The following R3HCC1L variants were observed in gnomAD, a reference collection of about 807,000 sequenced individuals.
R3HCC1L encodes coiled-coil domain-containing protein R3HCC1L.
A neutral mutation model predicts 59.9 loss-of-function variants in R3HCC1L; 51 were observed. That is an observed-to-expected ratio of 0.85 (90% CI 0.68 to 1.07). R3HCC1L has a LOEUF of 1.07. Among genes scored for constraint, R3HCC1L ranks in the 50% least tolerant of loss-of-function variants. The probability of loss-of-function intolerance (pLI) is 0.00; values close to 1 mark genes in which losing one functional copy is unlikely to be tolerated. For synonymous variants in R3HCC1L, 322 were observed against 315.2 expected, an observed-to-expected ratio of 1.02 and a Z score of -0.23; for missense variants, 965 against 933.0, an observed-to-expected ratio of 1.03 and a Z score of -0.45.
intron 5 of R3HCC1L, among the ~76,000 whole-genome samples, chr10:98,226,304 C>A (rs1590798673): frequency 6.6e-6 from 1 of 152,184 alleles, no homozygotes; most frequent in South Asian, 2.1e-4. Context: ...ATGAAGAAAA[C>A]AATTTTACAA....
chr10:98,173,006 G>T (rs1848664782), intron 4 of R3HCC1L, among the ~76,000 whole-genome samples: 1 of 152,124 alleles, frequency 6.6e-6, no homozygotes, highest in African/African-American at 2.4e-5. Flanking sequence ...GTAATTTACT[G>T]ATTTCATTTT....
At chr10:98,162,197 C>T (rs933586479) in intron 2 of R3HCC1L, among the ~76,000 whole-genome samples, 1 of 151,738 alleles carries the variant, frequency 6.6e-6, no homozygotes, top group Non-Finnish European at 1.5e-5. Flanking sequence ...ATTTATTTAA[C>T]CTGGCTGATA....
intron 5 of R3HCC1L, among the ~76,000 whole-genome samples, chr10:98,223,367 A>G (rs148480166): frequency 6.6e-6 from 1 of 152,108 alleles, no homozygotes; most frequent in Non-Finnish European, 1.5e-5. Context: ...CATCCCTGGG[A>G]TGCAAGATTT....
intron 4 of R3HCC1L, among the ~76,000 whole-genome samples, chr10:98,164,742 A>T (rs1329592689): frequency 6.6e-6 from 1 of 152,172 alleles, no homozygotes; most frequent in Non-Finnish European, 1.5e-5. Flanking sequence ...CAGTTGGGGA[A>T]GATGGACAGC....
intron 2 of R3HCC1L, among the ~76,000 whole-genome samples, 183 bp from the exon 3 acceptor site, chr10:98,162,700 G>A (rs1044749881): frequency 6.8e-6 from 1 of 147,594 alleles, no homozygotes; most frequent in African/African-American, 2.6e-5. Flanking sequence ...GTGTGTCTCT[G>A]TGTGTGTGTG....
chr10:98,155,870 A>G (rs1011609163), intron 1 of R3HCC1L, among the ~76,000 whole-genome samples: 11 of 151,536 alleles, frequency 7.3e-5, no homozygotes, highest in African/African-American at 1.9e-4. Flanking sequence ...ATTAAATACC[A>G]TCTCCACTGC....
At chr10:98,222,638 C>T (rs1023296014) in intron 5 of R3HCC1L, among the ~76,000 whole-genome samples, 7 of 152,122 alleles carry the variant, frequency 4.6e-5, no homozygotes, top group African/African-American at 1.7e-4. Context: ...TTGAGATAAT[C>T]ATGTGGTTTT....
chr10:98,163,381 TA>T lies in R3HCC1L; in HGVS notation c.-28del. On this transcript the variant is annotated 5_prime_UTR_variant, in exon 4 of 10. It adds an upstream start codon to the 5' untranslated region. Transcript: ENST00000298999. Reference sequence around the variant, plus strand: ...TTGTAGAGTTTTATTACTAAGAAAATAAATGTTACTTACATGGTAAGTTGCC... The same window carrying T: ...TTGTAGAGTTTTATTACTAAGAAAATAATGTTACTTACATGGTAAGTTGCC... The T allele has an allele frequency of 1.5e-6, 2 of 1,336,412 alleles. No individual in the cohort carries two copies. Among genetic ancestry groups the T allele is most frequent in the Admixed American group, 2.6e-5 (1 of 38,654 alleles). The allele number at this position is 1,336,412 out of a possible 1,614,324, so 82.8% of individuals were successfully genotyped here.
chr10:98,152,755 A>C (rs1403500302), intron 1 of R3HCC1L, among the ~76,000 whole-genome samples: 14 of 136,290 alleles, frequency 1.0e-4, no homozygotes, highest in African/African-American at 3.6e-4. Flanking sequence ...TCCGCCTGGC[A>C]GCCGCCCCGT....
intron 5 of R3HCC1L, among the ~76,000 whole-genome samples, chr10:98,225,040 A>G (rs369111141): frequency 6.6e-6 from 1 of 152,362 alleles, no homozygotes; most frequent in African/African-American, 2.4e-5. Flanking sequence ...TGTAATCGGT[A>G]TAAAAAATTA....
intron 7 of R3HCC1L, among the ~76,000 whole-genome samples, chr10:98,234,869 T>C (rs1176754169): frequency 6.6e-6 from 1 of 152,148 alleles, no homozygotes; most frequent in East Asian, 1.9e-4. Flanking sequence ...AATTAGCCCT[T>C]TAACCTGTCT....
At chr10:98,229,512 C>T (rs1387549264) in intron 5 of R3HCC1L, among the ~76,000 whole-genome samples, 1 of 152,190 alleles carries the variant, frequency 6.6e-6, no homozygotes, top group African/African-American at 2.4e-5. Flanking sequence ...GATATACAAT[C>T]ATGTCATCTG....
chr10:98,233,737 T>C (rs977393359), intron 6 of R3HCC1L, among the ~76,000 whole-genome samples: 1 of 152,240 alleles, frequency 6.6e-6, no homozygotes, highest in Non-Finnish European at 1.5e-5. Flanking sequence ...GTTTTTCTAG[T>C]ACTTAAATGT....
chr10:98,216,272 G>T (rs953857903), intron 5 of R3HCC1L, among the ~76,000 whole-genome samples: 1 of 152,060 alleles, frequency 6.6e-6, no homozygotes, highest in Non-Finnish European at 1.5e-5. Context: ...CCAGCACTTT[G>T]TGAGGCCGAG....
At chr10:98,148,612 A>C (rs183987465) in intron 1 of R3HCC1L, among the ~76,000 whole-genome samples, 13 of 152,250 alleles carry the variant, frequency 8.5e-5, no homozygotes. Flanking sequence ...GATTTTATTG[A>C]ATGCTTTTTC....
intron 4 of R3HCC1L, among the ~76,000 whole-genome samples, chr10:98,194,253 C>A (rs981211975): frequency 6.6e-6 from 1 of 151,994 alleles, no homozygotes; most frequent in Non-Finnish European, 1.5e-5. Flanking sequence ...TTCAATAAAT[C>A]GTGTTGGGAA....
At chr10:98,170,313 A>C (rs1346556314) in intron 4 of R3HCC1L, among the ~76,000 whole-genome samples, 2 of 151,858 alleles carry the variant, frequency 1.3e-5, no homozygotes, top group Non-Finnish European at 2.9e-5. Context: ...TTCAGCTATA[A>C]GCTTTTTGTT....
intron 1 of R3HCC1L, among the ~76,000 whole-genome samples, chr10:98,136,279 A>G (rs754556943): frequency 2.0e-5 from 3 of 152,212 alleles, no homozygotes; most frequent in Admixed American, 6.5e-5. Context: ...AGAGAGGATG[A>G]CAGTAAGTTG....
intron 2 of R3HCC1L, among the ~76,000 whole-genome samples, chr10:98,157,643 A>G (rs1204668359): frequency 6.6e-6 from 1 of 152,140 alleles, no homozygotes; most frequent in Non-Finnish European, 1.5e-5. Flanking sequence ...TCTGCTACAC[A>G]TTGAGCATTC....
Sources: allele counts gnomAD v4.1 joint callset (sites outside exome capture counted in the v4.1 genomes callset), GRCh38; gene constraint gnomAD v4.1.1; transcripts MANE v1.5; gene names NCBI Gene and HGNC (gene_info 2026-07-23, HGNC 2026-07-21).